The following FHOD3 variants were observed in gnomAD, a reference collection of about 807,000 sequenced individuals.
The protein encoded by FHOD3 is FH1/FH2 domain-containing protein 3.
FHOD3 carries 90 observed loss-of-function variants against 173.0 expected under a neutral mutation model. That is an observed-to-expected ratio of 0.52 (90% CI 0.44 to 0.62). FHOD3 has a LOEUF of 0.62. FHOD3 is among the 20% of genes least tolerant of loss of function. The probability of loss-of-function intolerance (pLI) is 0.00; values close to 1 mark genes in which losing one functional copy is unlikely to be tolerated. For missense variants in FHOD3, 1,945 were observed against 2,034.7 expected, an observed-to-expected ratio of 0.96 and a Z score of 0.85; for synonymous variants, 828 against 823.0, an observed-to-expected ratio of 1.01 and a Z score of -0.10.
intron 13 of FHOD3, among the ~76,000 whole-genome samples, chr18:36,654,287 T>C (rs527724275): frequency 6.6e-6 from 1 of 152,294 alleles, no homozygotes; most frequent in South Asian, 2.1e-4. Flanking sequence ...GTATCAGACC[T>C]TTCACCTAAT....
In FHOD3 at chr18:36,434,386, G is replaced by A. The variant is rs79370372; in HGVS notation, c.337+61642G>A. 2.0e-3 allele frequency among the ~76,000 whole-genome samples: 308 copies of A among 152,180 alleles called. 5 individuals are homozygous for A. The East Asian group carries it at 0.056, about 28-fold the overall frequency. ...GTTGACGGTGTATGTGTGGTTCTACGAATGGATTCCATATTCTGTTCTATT... is the reference window on the plus strand; with the variant it reads ...GTTGACGGTGTATGTGTGGTTCTACAAATGGATTCCATATTCTGTTCTATT... On this transcript the variant is annotated intron_variant, in intron 3 of 28. Transcript: ENST00000590592.
intron 3 of FHOD3, among the ~76,000 whole-genome samples, chr18:36,428,606 G>C (rs563230556): frequency 1.3e-5 from 2 of 152,328 alleles, no homozygotes; most frequent in Admixed American, 1.3e-4. Flanking sequence ...GTGTCTGTCT[G>C]TCTGTCTGCC....
chr18:36,692,460 G>C (rs547098118), intron 16 of FHOD3, among the ~76,000 whole-genome samples: 1 of 152,176 alleles, frequency 6.6e-6, no homozygotes, highest in Non-Finnish European at 1.5e-5. Flanking sequence ...AAGTTATTTT[G>C]GTCTGATCTA....
chr18:36,676,473 T>C (rs2037863566), intron 14 of FHOD3, among the ~76,000 whole-genome samples: 1 of 152,228 alleles, frequency 6.6e-6, no homozygotes, highest in South Asian at 2.1e-4. Flanking sequence ...ATAAAAACAC[T>C]GCAACATATA....
chr18:36,761,774 C>G (rs1386419723), intron 27 of FHOD3, among the ~76,000 whole-genome samples: 1 of 152,048 alleles, frequency 6.6e-6, no homozygotes, highest in Non-Finnish European at 1.5e-5. Flanking sequence ...TGGAGACAGG[C>G]TTTCTTCTCT....
intron 5 of FHOD3, among the ~76,000 whole-genome samples, chr18:36,515,983 G>GT (rs1399547832): frequency 6.6e-6 from 1 of 152,220 alleles, no homozygotes; most frequent in African/African-American, 2.4e-5. Context: ...TACCAGGAAA[G>GT]TAACTTCTGA....
chr18:36,371,812 G>A (rs2047205846), intron 2 of FHOD3, among the ~76,000 whole-genome samples: 1 of 151,504 alleles, frequency 6.6e-6, no homozygotes, highest in Non-Finnish European at 1.5e-5. Flanking sequence ...GGTGGAGAGA[G>A]GTGAGGATGG....
chr18:36,464,829 A>G (rs2052808084), intron 3 of FHOD3, among the ~76,000 whole-genome samples: 1 of 151,850 alleles, frequency 6.6e-6, no homozygotes, highest in Non-Finnish European at 1.5e-5. Flanking sequence ...TCTTGCTCCC[A>G]CCCTCTGTCT....
rs750520270 is a variant in FHOD3, at chr18:36,652,591, G to A, written c.1308G>A (p.Gly436=). ...ACAGCAAGGTCGGCGCTGCCTCAGG[G>A]CAGAGCCCCACTGGAAGGGATGCTG... ...GKDSKVGAAS[G]QSPTGRDAAP... is the part of the protein sequence containing the mutation. The change falls in exon 12 of 29, where the codon GGG becomes GGA. Residue 436 remains glycine, a synonymous_variant. Transcript: ENST00000590592. The A allele has an allele frequency of 1.3e-6, 2 of 1,534,028 alleles. No homozygotes were observed. Among genetic ancestry groups the A allele is most frequent in the Non-Finnish European group, 1.7e-6 (2 of 1,146,316 alleles).
chr18:36,535,989 G>A lies in FHOD3; in HGVS notation c.511+23446G>A, dbSNP rs542085322. Among the ~76,000 whole-genome samples, 6 of 152,304 alleles carry A rather than the reference G, an allele frequency of 3.9e-5. No individual in the cohort carries two copies. In the East Asian group the frequency reaches 1.2e-3, roughly 29 times the overall value. On this transcript the variant is annotated intron_variant, in intron 5 of 28. Transcript: ENST00000590592. ...TACAATAGTAATAATTGAGTACAAT[G>A]TTTTTATAACTCAGATTTACCAATG...
At chr18:36,685,186 A>G (rs1468510696) in intron 15 of FHOD3, among the ~76,000 whole-genome samples, 2 of 152,236 alleles carry the variant, frequency 1.3e-5, no homozygotes, top group Non-Finnish European at 2.9e-5. Context: ...GGTTGTCATC[A>G]GAGGCCATGC....
At chr18:36,372,891 A>AT (rs2047263425) in intron 3 of FHOD3, 147 bp downstream of exon 3, 2 of 696,470 alleles carry the variant, frequency 2.9e-6, no homozygotes, top group African/African-American at 1.8e-5. Flanking sequence ...TCCAGCAATG[A>AT]TTTTTGAAGG....
chr18:36,347,136 A>T (rs528037341), intron 1 of FHOD3, among the ~76,000 whole-genome samples: 1 of 152,248 alleles, frequency 6.6e-6, no homozygotes, highest in Admixed American at 6.5e-5. Flanking sequence ...TGAACAAGCC[A>T]GTGATAATAA....
chr18:36,487,553 G>A (rs2054254125), intron 3 of FHOD3, among the ~76,000 whole-genome samples: 2 of 152,140 alleles, frequency 1.3e-5, no homozygotes, highest in Non-Finnish European at 2.9e-5. Context: ...GTTTCATCAG[G>A]AAATATACTC....
chr18:36,647,237 G>A (rs1477913896), intron 10 of FHOD3, among the ~76,000 whole-genome samples: 1 of 152,080 alleles, frequency 6.6e-6, no homozygotes, highest in African/African-American at 2.4e-5. Flanking sequence ...GCAAAACTTT[G>A]TCTTCAAAAA....
At chr18:36,744,235 A>G in intron 23 of FHOD3, 42 bp downstream of exon 23, 1 of 1,579,272 alleles carries the variant, frequency 6.3e-7, no homozygotes, top group South Asian at 1.1e-5. Context: ...GTCTCGCTGC[A>G]GCCACGGGAT....
At chr18:36,508,780 A>G (rs1413337419) in intron 4 of FHOD3, among the ~76,000 whole-genome samples, 2 of 152,182 alleles carry the variant, frequency 1.3e-5, no homozygotes, top group Non-Finnish European at 2.9e-5. Context: ...AGTTGAAGGG[A>G]AGTCTTGTTT....
intron 1 of FHOD3, among the ~76,000 whole-genome samples, chr18:36,314,945 A>C (rs1305723946): frequency 6.6e-6 from 1 of 152,224 alleles, no homozygotes; most frequent in African/African-American, 2.4e-5. Context: ...TTAAATGTGC[A>C]ATCATGCTTG....
At position 36,463,479 on chromosome 18, in the gene FHOD3, A is replaced by T. The variant is rs566107565; in HGVS notation, c.338-38453A>T. The stretch of plus-strand genomic sequence containing the variant: ...AAAAAATATTTTTGTTTATTTAAAA[A>T]TTTTTTTTGTTTATTTAAAAAATAT... On this transcript the variant is annotated intron_variant, in intron 3 of 28. Transcript: ENST00000590592. 9.7e-3 allele frequency among the ~76,000 whole-genome samples: 235 copies of T among 24,152 alleles called. 4 individuals carry two copies. Among genetic ancestry groups the T allele is most frequent in the Non-Finnish European group, 0.026 (166 of 6,396 alleles). 15.8% of individuals were successfully genotyped at this position (24,152 alleles called of 152,430 possible).
Sources: allele counts gnomAD v4.1 joint callset (sites outside exome capture counted in the v4.1 genomes callset), GRCh38; gene constraint gnomAD v4.1.1; transcripts MANE v1.5; gene names NCBI Gene and HGNC (gene_info 2026-07-23, HGNC 2026-07-21).